The following SPTLC2 variants were observed in gnomAD, a reference collection of about 807,000 sequenced individuals.
SPTLC2 encodes the protein serine palmitoyltransferase long chain base subunit 2, also known as serine palmitoyltransferase 2.
Under a neutral mutation model 62.0 loss-of-function variants are expected in SPTLC2, and 21 were observed. The observed-to-expected ratio is 0.34, with a 90% CI of 0.24 to 0.49. The LOEUF (loss-of-function observed/expected upper bound fraction) is 0.49. SPTLC2 is among the 20% of genes least tolerant of loss of function. The pLI, the probability that SPTLC2 is intolerant of heterozygous loss-of-function variation, is 0.99. For missense variants in SPTLC2, 511 were observed against 713.0 expected (o/e 0.72, Z 3.23); for synonymous variants, 261 against 261.8 (o/e 1.00, Z 0.03).
intron 2 of SPTLC2, among the ~76,000 whole-genome samples, chr14:77,589,074 A>T (rs2079800455): frequency 1.3e-5 from 2 of 151,482 alleles, no homozygotes; most frequent in African/African-American, 4.8e-5. Context: ...AGCATTATAA[A>T]TTCTAAAAGT....
At chr14:77,534,779 T>C (rs2079460507) in intron 9 of SPTLC2, among the ~76,000 whole-genome samples, 1 of 152,150 alleles carries the variant, frequency 6.6e-6, no homozygotes. Context: ...CACCAGATAT[T>C]GCTCTAGACC....
chr14:77,523,044 C>T (rs1399555108), intron 9 of SPTLC2, among the ~76,000 whole-genome samples: 1 of 152,194 alleles, frequency 6.6e-6, no homozygotes, highest in East Asian at 1.9e-4. Flanking sequence ...AGTGTGAGCA[C>T]TGAAGAGCAT....
At chr14:77,596,490 C>A (rs1055155987) in intron 2 of SPTLC2, among the ~76,000 whole-genome samples, 1 of 150,182 alleles carries the variant, frequency 6.7e-6, no homozygotes, top group Admixed American at 6.7e-5. Context: ...GTTGACAAAG[C>A]GAGACTCTGT....
intron 5 of SPTLC2, among the ~76,000 whole-genome samples, chr14:77,568,807 C>CAAAA (rs35640441): frequency 1.6e-5 from 1 of 62,402 alleles, no homozygotes; most frequent in African/African-American, 5.5e-5. Context: ...GACTCTGTCT[C>CAAAA]AAAAAAAAAA....
In SPTLC2 at chr14:77,574,392, T is replaced by C. The variant is rs149020587; in HGVS notation, c.631+2375A>G. Among the ~76,000 whole-genome samples the C allele has an allele frequency of 2.7e-3, 417 of 152,314 alleles. 2 individuals are homozygous for C. Among genetic ancestry groups the C allele is most frequent in the African/African-American group, 9.4e-3 (392 of 41,560 alleles). ...ATGAATAGGAACCCTCATACATCGA[T>C]GGAGAGATTGTAAAACAGTACGGTC... On this transcript the variant is annotated intron_variant, in intron 4 of 11. Coordinates refer to ENST00000216484, the MANE Select transcript of SPTLC2 (RefSeq NM_004863.4).
intron 9 of SPTLC2, among the ~76,000 whole-genome samples, chr14:77,542,048 CAG>C (rs1042824179): frequency 6.5e-5 from 9 of 139,044 alleles, no homozygotes; most frequent in African/African-American, 2.5e-4. Context: ...CAGAGTGAGA[CAG>C]ACTCTGTGTC....
chr14:77,572,648 C>G (rs2079690177), intron 4 of SPTLC2, among the ~76,000 whole-genome samples: 1 of 152,210 alleles, frequency 6.6e-6, no homozygotes, highest in African/African-American at 2.4e-5. Flanking sequence ...AAAGCTGTTT[C>G]ATCTACATTG....
chr14:77,556,465 A>G (rs1020297308), intron 7 of SPTLC2, among the ~76,000 whole-genome samples: 2 of 151,844 alleles, frequency 1.3e-5, no homozygotes, highest in Non-Finnish European at 2.9e-5. Context: ...TTGCACAGGC[A>G]ATTAAAATGA....
intron 10 of SPTLC2, among the ~76,000 whole-genome samples, chr14:77,519,990 C>T (rs565617037): frequency 4.4e-4 from 67 of 152,108 alleles, no homozygotes; most frequent in African/African-American, 1.6e-3. Context: ...CCTTGCTTTT[C>T]TTTATACATG....
At chr14:77,546,603 T>C (rs185627769) in intron 9 of SPTLC2, among the ~76,000 whole-genome samples, 17 of 152,294 alleles carry the variant, frequency 1.1e-4, no homozygotes, top group Non-Finnish European at 1.2e-4. Context: ...CCGGGAATCT[T>C]ACCCCTACCA....
intron 2 of SPTLC2, among the ~76,000 whole-genome samples, chr14:77,590,979 A>T (rs1245688233): frequency 6.6e-6 from 1 of 152,168 alleles, no homozygotes. Context: ...ACGGATACAG[A>T]GGTAAACCTA....
intron 2 of SPTLC2, among the ~76,000 whole-genome samples, chr14:77,583,573 C>T (rs1160002944): frequency 6.6e-6 from 1 of 152,160 alleles, no homozygotes; most frequent in African/African-American, 2.4e-5. Flanking sequence ...CCCATCTCCA[C>T]CACTCTCTTC....
intron 6 of SPTLC2, among the ~76,000 whole-genome samples, chr14:77,561,256 C>T (rs1480927646): frequency 1.3e-5 from 2 of 152,094 alleles, no homozygotes; most frequent in African/African-American, 2.4e-5. Context: ...CACTAACTGC[C>T]ACACTGGTAT....
At chr14:77,577,738 A>G (rs1223746387) in intron 3 of SPTLC2, among the ~76,000 whole-genome samples, 1 of 152,182 alleles carries the variant, frequency 6.6e-6, no homozygotes, top group African/African-American at 2.4e-5. Flanking sequence ...TCTCTACTAA[A>G]AAACACAAAA....
rs2079319191 is a variant in SPTLC2 at position 77,508,998 on chromosome 14, G to C, written c.*3286C>G. 1 of 152,200 alleles carries C rather than the reference G, an allele frequency of 6.6e-6. No homozygotes were observed. Among genetic ancestry groups the C allele is most frequent in the African/African-American group, 2.4e-5 (1 of 41,462 alleles). 9.4% of individuals were successfully genotyped at this position (152,200 alleles called of 1,614,324 possible). On this transcript the variant is annotated 3_prime_UTR_variant, in exon 12 of 12. Transcript: ENST00000216484. ...TACGGAGACAAATCACTGGAAGCATGTTCAACTCCTTGGTGTTTGAAGAGG... is the reference window on the plus strand; with the variant it reads ...TACGGAGACAAATCACTGGAAGCATCTTCAACTCCTTGGTGTTTGAAGAGG...
At chr14:77,551,482 T>C (rs2079555520) in intron 9 of SPTLC2, among the ~76,000 whole-genome samples, 2 of 151,904 alleles carry the variant, frequency 1.3e-5, no homozygotes, top group Admixed American at 6.6e-5. Context: ...AGACACCCAG[T>C]TGCTCCCCTT....
At chr14:77,541,276 G>A (rs945680801) in intron 9 of SPTLC2, among the ~76,000 whole-genome samples, 11 of 152,134 alleles carry the variant, frequency 7.2e-5, no homozygotes, top group Non-Finnish European at 8.8e-5. Flanking sequence ...CTGGGCTCAA[G>A]TGATCCACCC....
chr14:77,526,286 C>T lies in SPTLC2; in HGVS notation c.1304-4705G>A, dbSNP rs549569172. ...GCTCAGTCCCAAGGATTTTTCACTG[C>T]AGAGTTTCAGCAAGTATCTGGTCTA... On this transcript the variant is annotated intron_variant, in intron 9 of 11. Coordinates refer to ENST00000216484, the MANE Select transcript of SPTLC2 (RefSeq NM_004863.4). 2.6e-4 allele frequency among the ~76,000 whole-genome samples: 39 copies of T among 152,024 alleles called. 1 individual carries two copies. The highest frequency in any genetic ancestry group is 9.4e-4 in the African/African-American group (39 of 41,316).
At chr14:77,578,389 T>C (rs2079728966) in intron 3 of SPTLC2, among the ~76,000 whole-genome samples, 1 of 151,828 alleles carries the variant, frequency 6.6e-6, no homozygotes. Flanking sequence ...AACTTTTGTA[T>C]ACTGTTTCTT....
Sources: allele counts gnomAD v4.1 joint callset (sites outside exome capture counted in the v4.1 genomes callset), GRCh38; gene constraint gnomAD v4.1.1; transcripts MANE v1.5; gene names NCBI Gene and HGNC (gene_info 2026-07-23, HGNC 2026-07-21).